Variants in CCSER1 observed in about 807,000 individuals in gnomAD.
The protein encoded by CCSER1 is coiled-coil serine rich protein 1, also known as serine-rich coiled-coil domain-containing protein 1.
Under a neutral mutation model 82.0 loss-of-function variants are expected in CCSER1, and 41 were observed. The observed-to-expected ratio is 0.50, with a 90% confidence interval of 0.39 to 0.65. CCSER1 has a LOEUF of 0.65. CCSER1 is among the 30% of genes least tolerant of loss of function. The probability of loss-of-function intolerance (pLI) is 0.00; values close to 1 mark genes in which losing one functional copy is unlikely to be tolerated. For synonymous variants in CCSER1, 414 were observed against 383.9 expected, an observed-to-expected ratio of 1.08 and a Z score of -0.92; for missense variants, 1,119 against 1,064.2, an observed-to-expected ratio of 1.05 and a Z score of -0.72.
chr4:90,572,037 T>G (rs1292611730), intron 5 of CCSER1, among the ~76,000 whole-genome samples: 1 of 152,216 alleles, frequency 6.6e-6, no homozygotes, highest in East Asian at 1.9e-4. Context: ...ATAATTACCT[T>G]TAGCAGTTTT....
chr4:90,220,233 C>T (rs1333082761), intron 1 of CCSER1, among the ~76,000 whole-genome samples: 2 of 152,082 alleles, frequency 1.3e-5, no homozygotes, highest in East Asian at 3.8e-4. Flanking sequence ...ATAGATAGGA[C>T]TTGGTACTAT....
intron 1 of CCSER1, among the ~76,000 whole-genome samples, chr4:90,174,767 C>G (rs548685589): frequency 8.6e-5 from 13 of 151,892 alleles, no homozygotes; most frequent in Non-Finnish European, 1.5e-4. Flanking sequence ...GTAGAGGTGA[C>G]AAGTGACTCA....
chr4:90,138,806 A>G (rs914776303), intron 1 of CCSER1, among the ~76,000 whole-genome samples: 2 of 151,922 alleles, frequency 1.3e-5, no homozygotes, highest in South Asian at 2.1e-4. Context: ...GCACCCATTA[A>G]CTCCATGTTC....
intron 6 of CCSER1, among the ~76,000 whole-genome samples, chr4:90,668,932 A>C (rs1732289535): frequency 6.6e-6 from 1 of 152,088 alleles, no homozygotes; most frequent in South Asian, 2.1e-4. Context: ...AAGGGGATGA[A>C]TCATGTACAC....
chr4:90,834,718 G>A (rs778521623), intron 8 of CCSER1, among the ~76,000 whole-genome samples: 3 of 152,118 alleles, frequency 2.0e-5, no homozygotes, highest in African/African-American at 7.2e-5. Context: ...AGACTGTATC[G>A]TACCTTTTAA....
intron 6 of CCSER1, among the ~76,000 whole-genome samples, chr4:90,706,092 G>C (rs1156296790): frequency 2.0e-5 from 3 of 152,156 alleles, no homozygotes; most frequent in Non-Finnish European, 4.4e-5. Flanking sequence ...GACTGGAGCT[G>C]TTCCTATTCA....
intron 10 of CCSER1, among the ~76,000 whole-genome samples, chr4:91,472,405 T>C (rs1757331143): frequency 6.6e-6 from 1 of 152,176 alleles, no homozygotes; most frequent in Admixed American, 6.5e-5. Context: ...TTGGTAAAGA[T>C]TTTACGTTTT....
chr4:90,363,140 A>G (rs1745674042), intron 3 of CCSER1, among the ~76,000 whole-genome samples: 1 of 152,144 alleles, frequency 6.6e-6, no homozygotes, highest in Non-Finnish European at 1.5e-5. Context: ...AGCTGAGACA[A>G]ATATGAACAA....
chr4:90,483,942 G>T (rs990655492), intron 5 of CCSER1, among the ~76,000 whole-genome samples: 1 of 152,144 alleles, frequency 6.6e-6, no homozygotes, highest in Admixed American at 6.6e-5. Flanking sequence ...TGGGGAAGTT[G>T]TCCTGGATAA....
Position 91,085,945 on chromosome 4 carries a change from T to C in CCSER1, c.2173-5T>C, listed in dbSNP as rs1404015050. On this transcript the variant is annotated splice_polypyrimidine_tract_variant and splice_region_variant and intron_variant, in intron 9 of 10. Coordinates refer to ENST00000509176, the MANE Select transcript of CCSER1 (RefSeq NM_001145065.2). Reference sequence around the variant, plus strand: ...ATAATAATATACTTTGCTTTTCTTTTTCAGGGTTTAAACTTGAAAAGACTA... The same window carrying C: ...ATAATAATATACTTTGCTTTTCTTTCTCAGGGTTTAAACTTGAAAAGACTA... 1 of 1,501,624 alleles carries C rather than the reference T, an allele frequency of 6.7e-7. No individual in the cohort carries two copies. Among genetic ancestry groups the C allele is most frequent in the Admixed American group, 2.0e-5 (1 of 50,626 alleles). The allele number at this position is 1,501,624 out of a possible 1,614,324, so 93.0% of individuals were successfully genotyped here. A position where few individuals can be genotyped will look rare whatever the true frequency, so the allele number is the denominator to read the frequency against.
chr4:90,131,408 A>C (rs1204956508), intron 1 of CCSER1, among the ~76,000 whole-genome samples: 1 of 152,214 alleles, frequency 6.6e-6, no homozygotes, highest in African/African-American at 2.4e-5. Flanking sequence ...ACATCTCACT[A>C]ATGTGTTGAG....
chr4:91,034,044 C>T (rs952454178), intron 9 of CCSER1, among the ~76,000 whole-genome samples: 1 of 152,158 alleles, frequency 6.6e-6, no homozygotes, highest in African/African-American at 2.4e-5. Context: ...TAGTTCAGTG[C>T]TATAAATACC....
At chr4:91,408,273 T>C (rs1041580079) in intron 10 of CCSER1, among the ~76,000 whole-genome samples, 2 of 152,216 alleles carry the variant, frequency 1.3e-5, no homozygotes, top group Non-Finnish European at 2.9e-5. Context: ...GAGACAAATA[T>C]ATCTCTGTCT....
In CCSER1 at chr4:90,308,976, C is replaced by T; in HGVS notation, c.692C>T (p.Ser231Phe). 6.2e-7 allele frequency: 1 copy of T among 1,613,876 alleles called. No homozygotes were observed. The highest frequency in any genetic ancestry group is 8.5e-7 in the Non-Finnish European group (1 of 1,179,860). The change falls in exon 2 of 11, where the codon TCT (serine) becomes TTT (phenylalanine). Residue 231 changes from serine to phenylalanine, a missense_variant. Ser to Phe is a radical substitution (Grantham distance 155, BLOSUM62 -2). Transcript: ENST00000509176. ...TTAGTAAGAGCTTCGCCATCCTGTT[C>T]TGTGGATGTAACAGAACGGGCAGGA... ...PVLVRASPSC[S>F]VDVTERAGSS...
intron 10 of CCSER1, among the ~76,000 whole-genome samples, chr4:91,105,409 A>AC (rs113992622): frequency 4.6e-5 from 7 of 150,834 alleles, no homozygotes; most frequent in African/African-American, 9.7e-5. Flanking sequence ...CAGTAAACAA[A>AC]AAAAAAAAAA....
At chr4:90,621,465 GTT>G (rs566048910) in intron 5 of CCSER1, among the ~76,000 whole-genome samples, 1 of 143,286 alleles carries the variant, frequency 7.0e-6, no homozygotes. Flanking sequence ...AAGTTTCTGG[GTT>G]TTTTTTTTTT....
At chr4:90,788,521 T>A (rs564059513) in intron 7 of CCSER1, among the ~76,000 whole-genome samples, 30 of 152,304 alleles carry the variant, frequency 2.0e-4, no homozygotes, top group African/African-American at 6.7e-4. Context: ...TGTGATGGCA[T>A]AACTCCAATC....
intron 5 of CCSER1, among the ~76,000 whole-genome samples, chr4:90,522,915 T>G (rs768543329): frequency 6.6e-6 from 1 of 152,162 alleles, no homozygotes; most frequent in Non-Finnish European, 1.5e-5. Context: ...ATTAAGTCTC[T>G]TAGAGTGGTT....
chr4:91,143,458 T>G (rs1729235741), intron 10 of CCSER1, among the ~76,000 whole-genome samples: 1 of 152,066 alleles, frequency 6.6e-6, no homozygotes, highest in Admixed American at 6.6e-5. Flanking sequence ...TTTCTATTTG[T>G]ATGCTTTTTA....
Sources: allele counts gnomAD v4.1 joint callset (sites outside exome capture counted in the v4.1 genomes callset), GRCh38; gene constraint gnomAD v4.1.1; transcripts MANE v1.5; gene names NCBI Gene and HGNC (gene_info 2026-07-23, HGNC 2026-07-21).